The following MED27 variants were observed in gnomAD, a reference collection of about 807,000 sequenced individuals.
MED27 encodes the protein mediator of RNA polymerase II transcription subunit 27.
Under a neutral mutation model 38.2 loss-of-function variants are expected in MED27, and 30 were observed. The ratio of observed to expected loss-of-function variants is 0.79; its 90% CI spans 0.59 to 1.07. The LOEUF (loss-of-function observed/expected upper bound fraction) is 1.07. Among genes scored for constraint, MED27 ranks in the 50% least tolerant of loss-of-function variants. The probability of loss-of-function intolerance (pLI) is 0.00; values close to 1 mark genes in which losing one functional copy is unlikely to be tolerated. For missense variants in MED27, 289 were observed against 397.5 expected (o/e 0.73, Z 2.32); for synonymous variants, 122 against 153.5 (o/e 0.79, Z 1.52).
chr9:131,984,475 G>C (rs887044175), intron 3 of MED27, among the ~76,000 whole-genome samples: 2 of 151,996 alleles, frequency 1.3e-5, no homozygotes, highest in African/African-American at 4.8e-5. Context: ...GAACAAACAG[G>C]GTCCCTCCTT....
At chr9:131,937,079 G>A (rs116809387) in intron 4 of MED27, among the ~76,000 whole-genome samples, 1 of 152,196 alleles carries the variant, frequency 6.6e-6, no homozygotes. Context: ...ACTAGCAGTA[G>A]GTAGTGGGGG....
At chr9:131,978,654 T>C (rs1204707733) in intron 3 of MED27, among the ~76,000 whole-genome samples, 1 of 152,096 alleles carries the variant, frequency 6.6e-6, no homozygotes, top group Non-Finnish European at 1.5e-5. Context: ...CATTTGAAGT[T>C]CTCCATTAAA....
At chr9:132,052,591 G>A (rs1833486714) in intron 2 of MED27, among the ~76,000 whole-genome samples, 1 of 151,356 alleles carries the variant, frequency 6.6e-6, no homozygotes, top group Admixed American at 6.6e-5. Flanking sequence ...AAAAAAAATA[G>A]TGGTTTCAGC....
At chr9:131,977,128 A>G (rs777902919) in intron 3 of MED27, among the ~76,000 whole-genome samples, 15 of 152,196 alleles carry the variant, frequency 9.9e-5, no homozygotes, top group Non-Finnish European at 1.8e-4. Flanking sequence ...TATTCCAATC[A>G]TGATTCCTGG....
chr9:132,027,483 C>T (rs947172570), intron 2 of MED27, among the ~76,000 whole-genome samples: 1 of 152,250 alleles, frequency 6.6e-6, no homozygotes, highest in South Asian at 2.1e-4. Context: ...TGAGCAGGCA[C>T]ACTCGTGTGC....
intron 6 of MED27, among the ~76,000 whole-genome samples, chr9:131,871,704 C>CA (rs1184259004): frequency 3.3e-5 from 5 of 152,226 alleles, no homozygotes; most frequent in African/African-American, 1.2e-4. Flanking sequence ...CACACACCCC[C>CA]ACGCCTGGCT....
chr9:132,008,110 A>C (rs1432306090), intron 3 of MED27, among the ~76,000 whole-genome samples: 1 of 152,232 alleles, frequency 6.6e-6, no homozygotes, highest in Non-Finnish European at 1.5e-5. Flanking sequence ...GTTGAAACTC[A>C]GAGGAGTGCT....
At chr9:131,863,197 C>T in intron 6 of MED27, 57 bp from the exon 7 acceptor site, 1 of 1,439,106 alleles carries the variant, frequency 6.9e-7, no homozygotes, top group Non-Finnish European at 9.8e-7. Context: ...ATAGAGAAAA[C>T]AAGCAGGACA....
chr9:131,945,159 T>C (rs1309484079), intron 3 of MED27, among the ~76,000 whole-genome samples: 1 of 147,448 alleles, frequency 6.8e-6, no homozygotes, highest in African/African-American at 2.5e-5. Flanking sequence ...TATATATATA[T>C]AAATATAAAA....
intron 4 of MED27, among the ~76,000 whole-genome samples, chr9:131,928,914 C>T (rs1333653218): frequency 6.6e-6 from 1 of 152,206 alleles, no homozygotes; most frequent in African/African-American, 2.4e-5. Context: ...GCTTGCGCCA[C>T]CCTTCCCCCA....
chr9:132,000,401 T>C (rs1202776756), intron 3 of MED27, among the ~76,000 whole-genome samples: 1 of 152,064 alleles, frequency 6.6e-6, no homozygotes. Context: ...ACCCTGCTGG[T>C]GGGAAGGTAA....
At chr9:132,011,049 A>C (rs1455843409) in intron 3 of MED27, among the ~76,000 whole-genome samples, 1 of 152,200 alleles carries the variant, frequency 6.6e-6, no homozygotes, top group Non-Finnish European at 1.5e-5. Context: ...TTTTGTAATA[A>C]GGAGTCTTCT....
chr9:131,891,502 C>G (rs1017998849), intron 5 of MED27, among the ~76,000 whole-genome samples: 3 of 151,734 alleles, frequency 2.0e-5, no homozygotes, highest in Admixed American at 2.0e-4. Flanking sequence ...ATTGCATACT[C>G]TCTACTCCCT....
intron 4 of MED27, among the ~76,000 whole-genome samples, chr9:131,918,020 T>A (rs1830324406): frequency 6.6e-6 from 1 of 152,236 alleles, no homozygotes; most frequent in Admixed American, 6.5e-5. Context: ...ATTCAAAATA[T>A]TTTAAAAGTA....
At chr9:131,967,859 C>A (rs1831384630) in intron 3 of MED27, among the ~76,000 whole-genome samples, 1 of 148,398 alleles carries the variant, frequency 6.7e-6, no homozygotes, top group African/African-American at 2.5e-5. Flanking sequence ...CGCTCTGCCG[C>A]CCAGGCTGTA....
intron 2 of MED27, among the ~76,000 whole-genome samples, chr9:132,067,418 T>C (rs1021693971): frequency 2.0e-5 from 3 of 152,192 alleles, no homozygotes; most frequent in Non-Finnish European, 4.4e-5. Flanking sequence ...ACAACTAAGC[T>C]GAGACCTGAA....
chr9:131,996,772 T>A (rs1832101023), intron 3 of MED27, among the ~76,000 whole-genome samples: 1 of 152,196 alleles, frequency 6.6e-6, no homozygotes, highest in Admixed American at 6.5e-5. Context: ...CTCCTTACTC[T>A]ACTCAACATG....
In MED27 at chr9:131,913,306, A is replaced by C. The variant is rs1830224135; in HGVS notation, c.574-19314T>G. On this transcript the variant is annotated intron_variant, in intron 4 of 7. Coordinates refer to ENST00000292035, the MANE Select transcript of MED27 (RefSeq NM_004269.4). This position sits in a 1 kb window ranked among gnomAD's most constrained non-coding sequence, Gnocchi z 4.5. ...AGACCAGGACTTGGGCATTTCATGG[A>C]TCTCACTTCAAATCCCAGCTGTACC... 6.6e-6 allele frequency among the ~76,000 whole-genome samples: 1 copy of C among 152,212 alleles called. No homozygotes were observed. The highest frequency in any genetic ancestry group is 1.5e-5 in the Non-Finnish European group (1 of 68,044).
At chr9:132,015,127 A>G (rs570897596) in intron 2 of MED27, among the ~76,000 whole-genome samples, 19 of 152,376 alleles carry the variant, frequency 1.2e-4, no homozygotes, top group African/African-American at 4.3e-4. Context: ...GTCTGCATTC[A>G]GAACCACTGA....
Sources: gnomAD v4.1 joint callset for allele counts (sites outside exome capture counted in the v4.1 genomes callset) on GRCh38, gnomAD v4.1.1 for gene constraint, Gnocchi (gnomAD v3.1) non-coding constraint, MANE v1.5 for transcripts, NCBI Gene and HGNC (gene_info 2026-07-23, HGNC 2026-07-21) for gene names.